The following GRIA4 variants were observed in gnomAD, a reference collection of about 807,000 sequenced individuals.
GRIA4 encodes glutamate ionotropic receptor AMPA type subunit 4, also known as glutamate receptor 4.
GRIA4 carries 34 observed loss-of-function variants against 104.0 expected under a neutral mutation model. The observed-to-expected ratio is 0.33, with a 90% confidence interval of 0.25 to 0.44. The LOEUF is 0.44. Ranked by LOEUF, GRIA4 falls within the 20% of genes least tolerant of loss-of-function variation. The pLI is 1.00. For synonymous variants in GRIA4, 386 were observed against 381.9 expected (o/e 1.01, Z -0.13); for missense variants, 750 against 1,096.5 (o/e 0.68, Z 4.46).
chr11:105,741,860 G>T (rs1392393343), intron 3 of GRIA4, among the ~76,000 whole-genome samples: 1 of 152,132 alleles, frequency 6.6e-6, no homozygotes, highest in African/African-American at 2.4e-5. Context: ...GGCACAGGAA[G>T]GAGGACAAAA....
At chr11:105,937,445 G>A (rs975916740) in intron 14 of GRIA4, among the ~76,000 whole-genome samples, 13 of 152,060 alleles carry the variant, frequency 8.5e-5, no homozygotes, top group African/African-American at 3.1e-4. Context: ...CCTGTTAAAG[G>A]TTCTTTGGAG....
At chr11:105,663,942 G>A (rs1952087589) in intron 3 of GRIA4, among the ~76,000 whole-genome samples, 1 of 151,328 alleles carries the variant, frequency 6.6e-6, no homozygotes. Context: ...AATAACTTTT[G>A]GAGATAGATG....
chr11:105,643,964 C>G (rs977261712), intron 3 of GRIA4, among the ~76,000 whole-genome samples: 1 of 152,286 alleles, frequency 6.6e-6, no homozygotes, highest in Non-Finnish European at 1.5e-5. Context: ...GGTGATCCAC[C>G]TGCCTCGGCC....
intron 3 of GRIA4, among the ~76,000 whole-genome samples, chr11:105,672,448 G>T (rs1952405653): frequency 6.6e-6 from 1 of 152,050 alleles, no homozygotes; most frequent in African/African-American, 2.4e-5. Flanking sequence ...AAGTTACTGA[G>T]AAAAATTAGT....
At chr11:105,927,619 T>G (rs778409680) in intron 13 of GRIA4, among the ~76,000 whole-genome samples, 1 of 152,128 alleles carries the variant, frequency 6.6e-6, no homozygotes, top group Admixed American at 6.6e-5. Context: ...TTGCATTGTA[T>G]GTCCCTTTGA....
chr11:105,823,496 T>TGGAAA (rs1324297238), intron 4 of GRIA4, among the ~76,000 whole-genome samples: 1 of 151,860 alleles, frequency 6.6e-6, no homozygotes, highest in African/African-American at 2.4e-5. Context: ...AAGCAGGTGG[T>TGGAAA]GGAAAGGACA....
intron 3 of GRIA4, among the ~76,000 whole-genome samples, chr11:105,700,235 T>C (rs1026527054): frequency 6.6e-6 from 1 of 152,196 alleles, no homozygotes; most frequent in Non-Finnish European, 1.5e-5. Flanking sequence ...ATTAATTATG[T>C]AGCTGCAGAA....
intron 3 of GRIA4, among the ~76,000 whole-genome samples, chr11:105,651,205 T>A (rs1951677387): frequency 6.6e-6 from 1 of 152,176 alleles, no homozygotes; most frequent in African/African-American, 2.4e-5. Context: ...AATACCAGTA[T>A]AAAGTGGCAA....
chr11:105,928,664 T>C (rs1947787783), intron 13 of GRIA4, among the ~76,000 whole-genome samples: 1 of 152,034 alleles, frequency 6.6e-6, no homozygotes, highest in African/African-American at 2.4e-5. Flanking sequence ...GATGACTGAT[T>C]GTCATTTAAA....
chr11:105,736,975 T>C (rs1042916622), intron 3 of GRIA4, among the ~76,000 whole-genome samples: 6 of 152,074 alleles, frequency 3.9e-5, no homozygotes, highest in Non-Finnish European at 7.4e-5. Context: ...AGAAAATTAT[T>C]AGTAGTATAA....
intron 5 of GRIA4, among the ~76,000 whole-genome samples, chr11:105,869,106 T>C (rs1324653490): frequency 2.0e-5 from 3 of 152,038 alleles, no homozygotes; most frequent in Admixed American, 6.6e-5. Flanking sequence ...ACTGTTACCA[T>C]GGTTGCAGCC....
intron 9 of GRIA4, among the ~76,000 whole-genome samples, chr11:105,907,462 A>G (rs1232412666): frequency 2.6e-5 from 4 of 152,194 alleles, no homozygotes; most frequent in African/African-American, 7.2e-5. Flanking sequence ...TAAATTGAAC[A>G]CTTGCCAGCA....
In GRIA4 at chr11:105,824,975, C is replaced by A. The variant is rs77650448; in HGVS notation, c.488-37049C>A. ...CCAGTCAGTCTCATCAGAGAATGGT[C>A]TTTTCTCCATTGTTAGTCACTGAGG... On this transcript the variant is annotated intron_variant, in intron 4 of 16. Transcript: ENST00000282499. Among the ~76,000 whole-genome samples the A allele has an allele frequency of 7.6e-4, 116 of 152,136 alleles. 1 individual carries two copies. The East Asian group carries it at 0.017, about 22-fold the overall frequency.
chr11:105,803,886 C>G (rs1942833471), intron 4 of GRIA4, among the ~76,000 whole-genome samples: 5 of 147,408 alleles, frequency 3.4e-5, no homozygotes. Context: ...AGAGAAGAGC[C>G]ATGATTACTA....
intron 4 of GRIA4, among the ~76,000 whole-genome samples, chr11:105,853,759 A>G (rs1381609414): frequency 6.6e-6 from 1 of 152,118 alleles, no homozygotes; most frequent in Non-Finnish European, 1.5e-5. Context: ...AGAAAAGCAA[A>G]CAATCAACAC....
At chr11:105,671,384 A>C (rs1280477964) in intron 3 of GRIA4, among the ~76,000 whole-genome samples, 2 of 151,996 alleles carry the variant, frequency 1.3e-5, no homozygotes, top group Non-Finnish European at 2.9e-5. Context: ...TCAAAATAAG[A>C]ATAACTTTGG....
intron 14 of GRIA4, among the ~76,000 whole-genome samples, chr11:105,937,161 A>G (rs1352257313): frequency 1.3e-5 from 2 of 152,166 alleles, no homozygotes; most frequent in Non-Finnish European, 2.9e-5. Flanking sequence ...AGAAATGTCC[A>G]AAGATTGTTT....
chr11:105,720,587 G>T (rs190730533), intron 3 of GRIA4, among the ~76,000 whole-genome samples: 15 of 152,238 alleles, frequency 9.9e-5, no homozygotes, highest in African/African-American at 3.6e-4. Context: ...TGTAAGAAAG[G>T]GCTAGTTCTT....
intron 3 of GRIA4, among the ~76,000 whole-genome samples, chr11:105,667,524 C>G (rs944067321): frequency 6.6e-6 from 1 of 152,016 alleles, no homozygotes; most frequent in African/African-American, 2.4e-5. Context: ...TTTGAGCTCT[C>G]TTCCATCCTA....
Sources: allele counts gnomAD v4.1 joint callset (sites outside exome capture counted in the v4.1 genomes callset), GRCh38; gene constraint gnomAD v4.1.1; transcripts MANE v1.5; gene names NCBI Gene and HGNC (gene_info 2026-07-23, HGNC 2026-07-21).